The following SUMF1 variants were observed in gnomAD, a reference collection of about 807,000 sequenced individuals.
The protein encoded by SUMF1 is formylglycine-generating enzyme.
Under a neutral mutation model 47.6 loss-of-function variants are expected in SUMF1, and 48 were observed. The ratio of observed to expected loss-of-function variants is 1.01; its 90% CI spans 0.80 to 1.28. The LOEUF (loss-of-function observed/expected upper bound fraction) is 1.28, where lower values mean the gene tolerates loss of function less well. SUMF1 is among the 50% of genes most tolerant of loss of function. SUMF1 has a pLI of 0.00. For synonymous variants in SUMF1, 230 were observed against 192.1 expected, an observed-to-expected ratio of 1.20 and a Z score of -1.63; for missense variants, 571 against 485.4, an observed-to-expected ratio of 1.18 and a Z score of -1.66.
chr3:4,175,314 C>T (rs1694934590), intron 8 of SUMF1, among the ~76,000 whole-genome samples: 1 of 152,046 alleles, frequency 6.6e-6, no homozygotes, highest in Non-Finnish European at 1.5e-5. Context: ...GCCAGCTGCC[C>T]CTCTGAGATG....
At chr3:4,151,556 T>TACACAC (rs35911373) in intron 8 of SUMF1, among the ~76,000 whole-genome samples, 3,958 of 137,234 alleles carry the variant, frequency 0.029, 250 homozygotes, top group East Asian at 0.12. Context: ...TGTGTGTATA[T>TACACAC]ACACACACAC....
chr3:4,297,698 T>C (rs1207585098), intron 8 of SUMF1, among the ~76,000 whole-genome samples: 2 of 151,502 alleles, frequency 1.3e-5, no homozygotes, highest in Non-Finnish European at 2.9e-5. Context: ...CATAAGCCAC[T>C]GTGCCTGGCC....
chr3:4,171,903 T>C lies in SUMF1; in HGVS notation c.1015-103158A>G, dbSNP rs150563886. 1.5e-3 allele frequency among the ~76,000 whole-genome samples: 221 copies of C among 152,256 alleles called. 4 individuals are homozygous for C. In the South Asian group the frequency reaches 0.019, roughly 13 times the overall value. The stretch of plus-strand genomic sequence containing the variant: ...GAATGAGACAGTAGTCCAACCACGA[T>C]ATCCTTCTGTGCCAGTCAGAGGAAA... On this transcript the variant is annotated intron_variant and NMD_transcript_variant, in intron 8 of 12. Coordinates refer to the SUMF1 transcript ENST00000448413.
chr3:4,107,456 G>A (rs1281646084), intron 8 of SUMF1, among the ~76,000 whole-genome samples: 2 of 152,124 alleles, frequency 1.3e-5, no homozygotes, highest in African/African-American at 4.8e-5. Flanking sequence ...ACAAAGTTGA[G>A]ACTGATATCC....
intron 3 of SUMF1, among the ~76,000 whole-genome samples, chr3:4,432,623 T>A (rs139020001): frequency 8.6e-4 from 131 of 152,294 alleles, no homozygotes; most frequent in African/African-American, 3.0e-3. Flanking sequence ...AGAGAGACCA[T>A]CACCAATCCT....
chr3:4,210,736 T>C (rs184791371), intron 8 of SUMF1, among the ~76,000 whole-genome samples: 3 of 152,190 alleles, frequency 2.0e-5, no homozygotes, highest in Admixed American at 2.0e-4. Context: ...ACACTGAGTG[T>C]CAACTGGATT....
intron 9 of SUMF1, among the ~76,000 whole-genome samples, chr3:4,060,509 GA>G (rs1695260324): frequency 6.6e-6 from 1 of 152,144 alleles, no homozygotes; most frequent in South Asian, 2.1e-4. Context: ...AAAGGCATGA[GA>G]TTACACTAAA....
At chr3:4,340,706 G>A (rs1342252950) in intron 8 of SUMF1, among the ~76,000 whole-genome samples, 1 of 152,188 alleles carries the variant, frequency 6.6e-6, no homozygotes, top group Non-Finnish European at 1.5e-5. Context: ...GACAGGACCT[G>A]GAGATGGATC....
intron 8 of SUMF1, among the ~76,000 whole-genome samples, chr3:4,213,591 T>C (rs1695848192): frequency 6.6e-6 from 1 of 152,200 alleles, no homozygotes; most frequent in Non-Finnish European, 1.5e-5. Flanking sequence ...ATGGGCTAAA[T>C]GCCCCAATTA....
chr3:4,244,168 A>T (rs776981037), intron 8 of SUMF1, among the ~76,000 whole-genome samples: 15 of 152,046 alleles, frequency 9.9e-5, no homozygotes, highest in Non-Finnish European at 1.9e-4. Context: ...TGCATGTGAG[A>T]TGGGTCTCCT....
chr3:4,281,556 T>G (rs1388426075), intron 8 of SUMF1, among the ~76,000 whole-genome samples: 1 of 152,146 alleles, frequency 6.6e-6, no homozygotes. Flanking sequence ...ACCAGCGCTC[T>G]GAGACTTGCC....
At chr3:4,296,668 C>T (rs572103249) in intron 8 of SUMF1, among the ~76,000 whole-genome samples, 54 of 152,258 alleles carry the variant, frequency 3.5e-4, no homozygotes, top group Admixed American at 5.9e-4. Flanking sequence ...GTCCCTCCCA[C>T]GACACGTGCG....
intron 8 of SUMF1, among the ~76,000 whole-genome samples, chr3:4,228,319 A>T (rs370320418): frequency 3.1e-4 from 47 of 152,080 alleles, no homozygotes; most frequent in African/African-American, 1.1e-3. Context: ...TGTCTCCTTC[A>T]CCCTTTGTAT....
At chr3:4,331,970 CTAAAT>C (rs1419548767) in intron 8 of SUMF1, among the ~76,000 whole-genome samples, 6 of 152,210 alleles carry the variant, frequency 3.9e-5, no homozygotes, top group Admixed American at 1.3e-4. Flanking sequence ...GACAAAATGT[CTAAAT>C]TAAATTCTGA....
At chr3:4,301,188 G>A (rs1197190326) in intron 8 of SUMF1, among the ~76,000 whole-genome samples, 1 of 152,172 alleles carries the variant, frequency 6.6e-6, no homozygotes, top group Non-Finnish European at 1.5e-5. Context: ...TACTTGAGCT[G>A]AGCAGACAGA....
intron 8 of SUMF1, among the ~76,000 whole-genome samples, chr3:4,288,545 C>T (rs1238152235): frequency 6.6e-6 from 1 of 152,048 alleles, no homozygotes; most frequent in Non-Finnish European, 1.5e-5. Flanking sequence ...ACAATCACCC[C>T]ACTCAAAAAT....
At chr3:4,400,326 CA>C (rs750904447) in intron 7 of SUMF1, among the ~76,000 whole-genome samples, 17 of 152,040 alleles carry the variant, frequency 1.1e-4, no homozygotes, top group Non-Finnish European at 2.2e-4. Context: ...GAAAGAAATC[CA>C]AAAAACCCGG....
rs147446112 is a variant in SUMF1, at chr3:4,335,414, A to G, written c.1014+40916T>C. 2.6e-5 allele frequency among the ~76,000 whole-genome samples: 4 copies of G among 152,288 alleles called. No individual in the cohort carries two copies. The East Asian group carries it at 7.7e-4, about 29-fold the overall frequency. ...TTTGACCTACAGCTACCAAATACCA[A>G]AATGAATCCCCAAATCAGCCTCTTA... On this transcript the variant is annotated intron_variant and NMD_transcript_variant, in intron 8 of 12. Transcript: ENST00000448413.
chr3:4,307,329 A>G (rs1262093047), intron 8 of SUMF1, among the ~76,000 whole-genome samples: 1 of 152,188 alleles, frequency 6.6e-6, no homozygotes, highest in East Asian at 1.9e-4. Context: ...GCCTTGTCCT[A>G]TGGATAGGAA....
Sources: gnomAD v4.1 joint callset for allele counts (sites outside exome capture counted in the v4.1 genomes callset) on GRCh38, gnomAD v4.1.1 for gene constraint, MANE v1.5 for transcripts, NCBI Gene and HGNC (gene_info 2026-07-23, HGNC 2026-07-21) for gene names.